MARCHF1: variants seen among roughly 807,000 people sequenced by gnomAD.
MARCHF1 encodes the protein E3 ubiquitin-protein ligase MARCHF1.
In MARCHF1, 40 loss-of-function variants were observed where a neutral mutation model predicts 54.2. The observed-to-expected ratio is 0.74, with a 90% confidence interval of 0.57 to 0.96. MARCHF1 has a LOEUF of 0.96. Ranked by LOEUF, MARCHF1 falls within the 40% of genes least tolerant of loss-of-function variation. MARCHF1 has a pLI of 0.00. For synonymous variants in MARCHF1, 236 were observed against 236.3 expected (o/e 1.00, Z 0.01); for missense variants, 586 against 656.5 (o/e 0.89, Z 1.17).
chr4:163,616,152 C>A (rs915752171), intron 5 of MARCHF1, among the ~76,000 whole-genome samples: 2 of 152,120 alleles, frequency 1.3e-5, no homozygotes, highest in Admixed American at 6.6e-5. Context: ...GGACATTGAT[C>A]TTTTAGAAAA....
chr4:164,240,040 T>C (rs1165837224), intron 1 of MARCHF1, among the ~76,000 whole-genome samples: 1 of 152,226 alleles, frequency 6.6e-6, no homozygotes, highest in Non-Finnish European at 1.5e-5. Context: ...ACACATTTTC[T>C]AGGTGCTAAG....
At chr4:163,798,253 T>C (rs749760585) in intron 4 of MARCHF1, among the ~76,000 whole-genome samples, 3 of 152,044 alleles carry the variant, frequency 2.0e-5, no homozygotes, top group Non-Finnish European at 4.4e-5. Flanking sequence ...GGAAGAACCA[T>C]TGTGAGGATA....
chr4:163,724,731 C>T (rs1745597782), intron 4 of MARCHF1, among the ~76,000 whole-genome samples: 1 of 152,198 alleles, frequency 6.6e-6, no homozygotes, highest in Admixed American at 6.5e-5. Flanking sequence ...CTCAGCCTCG[C>T]TGCCACCTTG....
At chr4:163,788,597 A>AT (rs961974097) in intron 4 of MARCHF1, among the ~76,000 whole-genome samples, 1 of 151,726 alleles carries the variant, frequency 6.6e-6, no homozygotes, top group African/African-American at 2.4e-5. Context: ...AGTTTGTCTT[A>AT]TTTTTTTCCC....
intron 4 of MARCHF1, among the ~76,000 whole-genome samples, chr4:163,826,473 T>G (rs1290525117): frequency 5.9e-5 from 9 of 152,074 alleles, no homozygotes; most frequent in Admixed American, 2.0e-4. Flanking sequence ...AACATAAATA[T>G]CCTAAAGCCG....
At chr4:164,313,970 T>G (rs947630490) in intron 1 of MARCHF1, among the ~76,000 whole-genome samples, 5 of 152,204 alleles carry the variant, frequency 3.3e-5, no homozygotes, top group African/African-American at 1.2e-4. Context: ...CTGCATCTCT[T>G]TTACTCCATT....
At chr4:163,779,768 C>T (rs1289793368) in intron 4 of MARCHF1, among the ~76,000 whole-genome samples, 6 of 151,910 alleles carry the variant, frequency 3.9e-5, no homozygotes, top group Admixed American at 6.6e-5. Context: ...TGGAGAGATT[C>T]GTTTTCTAAA....
intron 7 of MARCHF1, among the ~76,000 whole-genome samples, chr4:163,594,311 A>G (rs1740688868): frequency 1.3e-5 from 2 of 152,082 alleles, no homozygotes; most frequent in African/African-American, 4.8e-5. Context: ...AAAGAGCATG[A>G]AAGTTCTTAC....
chr4:164,144,847 C>T (rs1468880393), intron 1 of MARCHF1, among the ~76,000 whole-genome samples: 2 of 110,274 alleles, frequency 1.8e-5, no homozygotes, highest in Non-Finnish European at 3.7e-5. Context: ...GAAATAGAGA[C>T]ACAAAAAACC....
intron 3 of MARCHF1, among the ~76,000 whole-genome samples, chr4:163,952,003 AGAG>A (rs1253433523): frequency 6.6e-6 from 1 of 152,216 alleles, no homozygotes; most frequent in Non-Finnish European, 1.5e-5. Flanking sequence ...ATTATAAAGA[AGAG>A]AACATTTCTT....
intron 4 of MARCHF1, among the ~76,000 whole-genome samples, chr4:163,794,771 G>A (rs1003537914): frequency 2.0e-5 from 3 of 152,122 alleles, no homozygotes; most frequent in South Asian, 2.1e-4. Context: ...ATTCTACAGA[G>A]ATCTGAGCCT....
At chr4:164,150,786 C>T (rs150110436) in intron 1 of MARCHF1, among the ~76,000 whole-genome samples, 175 of 152,234 alleles carry the variant, frequency 1.1e-3, no homozygotes, top group African/African-American at 3.8e-3. Flanking sequence ...TAATTGTCTC[C>T]GAAAGATGTT....
At chr4:163,811,412 A>G (rs1748382062) in intron 4 of MARCHF1, among the ~76,000 whole-genome samples, 2 of 152,170 alleles carry the variant, frequency 1.3e-5, no homozygotes, top group Admixed American at 6.5e-5. Flanking sequence ...GTGTGCACCT[A>G]TAGTCCCAGC....
intron 5 of MARCHF1, among the ~76,000 whole-genome samples, chr4:163,683,571 G>GA (rs972001893): frequency 4.6e-5 from 7 of 151,876 alleles, no homozygotes; most frequent in Admixed American, 3.3e-4. Flanking sequence ...GCAGAATGAA[G>GA]AAAAAAAACT....
At chr4:163,599,684 G>T (rs1002191460) in intron 7 of MARCHF1, among the ~76,000 whole-genome samples, 1 of 151,994 alleles carries the variant, frequency 6.6e-6, no homozygotes, top group Non-Finnish European at 1.5e-5. Context: ...CATCAGACTC[G>T]CATGGAGGGT....
intron 5 of MARCHF1, among the ~76,000 whole-genome samples, chr4:163,614,292 C>T (rs952808150): frequency 6.6e-6 from 1 of 152,004 alleles, no homozygotes; most frequent in Non-Finnish European, 1.5e-5. Flanking sequence ...TCCATATATT[C>T]ATTAATGCTC....
intron 4 of MARCHF1, among the ~76,000 whole-genome samples, chr4:163,785,757 G>A (rs547352061): frequency 4.3e-4 from 66 of 152,036 alleles, no homozygotes; most frequent in African/African-American, 1.6e-3. Flanking sequence ...TCACTGTGAT[G>A]GGATAATGGC....
intron 1 of MARCHF1, among the ~76,000 whole-genome samples, chr4:164,120,583 G>A (rs918861716): frequency 1.3e-5 from 2 of 152,002 alleles, no homozygotes; most frequent in African/African-American, 4.8e-5. Context: ...TATACATTAA[G>A]TCACAAAATG....
At chr4:164,265,931 C>A (rs970452603) in intron 1 of MARCHF1, among the ~76,000 whole-genome samples, 5 of 152,168 alleles carry the variant, frequency 3.3e-5, no homozygotes, top group Non-Finnish European at 5.9e-5. Flanking sequence ...AGTATCGAAT[C>A]AAATTTATAA....
Sources: gnomAD v4.1 joint callset for allele counts (sites outside exome capture counted in the v4.1 genomes callset) on GRCh38, gnomAD v4.1.1 for gene constraint, MANE v1.5 for transcripts, NCBI Gene and HGNC (gene_info 2026-07-23, HGNC 2026-07-21) for gene names.